Variants in CNTNAP3B observed in about 807,000 individuals in gnomAD.
CNTNAP3B encodes the protein contactin associated protein family member 3B, also known as contactin-associated protein-like 3B.
In CNTNAP3B, 25 loss-of-function variants were observed where a neutral mutation model predicts 108.9. The observed-to-expected ratio is 0.23, with a 90% CI of 0.17 to 0.32. The LOEUF is 0.32. CNTNAP3B is among the 10% of genes least tolerant of loss of function. The pLI, the probability that CNTNAP3B is intolerant of heterozygous loss-of-function variation, is 1.00. For missense variants in CNTNAP3B, 252 were observed against 1,210.4 expected, an observed-to-expected ratio of 0.21 and a Z score of 11.75; for synonymous variants, 103 against 473.4, an observed-to-expected ratio of 0.22 and a Z score of 10.16.
chr9:41,928,112 A>C (rs1823870128), intron 15 of CNTNAP3B, among the ~76,000 whole-genome samples: 1 of 152,276 alleles, frequency 6.6e-6, no homozygotes, highest in African/African-American at 2.4e-5. Context: ...AGGATAACAT[A>C]TCTGTCAAGA....
At chr9:41,928,639 T>TAGA (rs1406755523) in intron 15 of CNTNAP3B, among the ~76,000 whole-genome samples, 12 of 152,260 alleles carry the variant, frequency 7.9e-5, no homozygotes, top group Non-Finnish European at 1.6e-4. Flanking sequence ...CACATTGAGG[T>TAGA]AGAACAGGAA....
intron 2 of CNTNAP3B, among the ~76,000 whole-genome samples, chr9:42,098,982 G>A (rs62558888): frequency 0.011 from 1,510 of 137,050 alleles, 247 homozygotes; most frequent in Non-Finnish European, 0.013. Context: ...ACCCAGAGTC[G>A]TGGCTAGGTT....
chr9:41,933,191 C>T (rs1230920505), intron 14 of CNTNAP3B, among the ~76,000 whole-genome samples: 4 of 152,342 alleles, frequency 2.6e-5, no homozygotes, highest in Admixed American at 6.5e-5. Context: ...TCAACAGCAG[C>T]GTTACTGATA....
chr9:41,930,710 G>A (rs1334637854), intron 14 of CNTNAP3B, among the ~76,000 whole-genome samples: 12 of 152,398 alleles, frequency 7.9e-5, no homozygotes, highest in Admixed American at 1.3e-4. Flanking sequence ...ATGTGACTGG[G>A]AAAATAAATG....
At chr9:42,031,087 C>G (rs1446392456) in intron 3 of CNTNAP3B, among the ~76,000 whole-genome samples, 4 of 83,750 alleles carry the variant, frequency 4.8e-5, no homozygotes, top group Non-Finnish European at 7.2e-5. Context: ...CTCGTCTTCT[C>G]CCCTTTCAGT....
chr9:42,129,372 G>A lies in CNTNAP3B; in HGVS notation c.-278C>T. 3.0e-6 allele frequency: 1 copy of A among 334,798 alleles called. No individual in the cohort carries two copies. Among genetic ancestry groups the A allele is most frequent in the Non-Finnish European group, 4.7e-6 (1 of 212,438 alleles). 20.7% of individuals were successfully genotyped at this position (334,798 alleles called of 1,614,324 possible). A position where few individuals can be genotyped will look rare whatever the true frequency, so the allele number is the denominator to read the frequency against. On this transcript the variant is annotated 5_prime_UTR_variant, in exon 1 of 24. Coordinates refer to ENST00000377561, the MANE Select transcript of CNTNAP3B (RefSeq NM_001201380.3). ...GCCGCCCCAGGCACGGAGGCGGCAG[G>A]TTCAGGCGCGTCCCGGACACTAGGC...
rs573854996 is a variant in CNTNAP3B, at chr9:42,114,884, T to C, written c.86-10145A>G. 5.7e-4 allele frequency among the ~76,000 whole-genome samples: 77 copies of C among 133,998 alleles called. 14 individuals are homozygous for C. Among genetic ancestry groups the C allele is most frequent in the African/African-American group, 2.3e-3 (77 of 33,394 alleles). The allele number at this position is 133,998 out of a possible 152,430, so 87.9% of individuals were successfully genotyped here. On this transcript the variant is annotated intron_variant, in intron 1 of 23. Transcript: ENST00000377561. ...GCCTGGCCAACATGGTGAAACTCCA[T>C]CTTTAGTAAAAATACAAAAATTAGC...
At position 42,098,059 on chromosome 9, in the gene CNTNAP3B, T is replaced by C. The variant is rs188266533; in HGVS notation, c.196+6570A>G. On this transcript the variant is annotated intron_variant, in intron 2 of 23. Transcript: ENST00000377561. ...GGGAGTGATATCTCTAAGATTTTTT[T>C]CCACAAATAAACATTCATACATATT... is the stretch of plus-strand genomic sequence containing the variant. 9.3e-4 allele frequency among the ~76,000 whole-genome samples: 130 copies of C among 139,208 alleles called. 27 individuals are homozygous for C. Among genetic ancestry groups the C allele is most frequent in the African/African-American group, 3.6e-3 (125 of 35,164 alleles). The allele number at this position is 139,208 out of a possible 152,430, so 91.3% of individuals were successfully genotyped here.
intron 1 of CNTNAP3B, among the ~76,000 whole-genome samples, chr9:42,119,687 T>C (rs1292072173): frequency 7.2e-6 from 1 of 139,202 alleles, no homozygotes; most frequent in Non-Finnish European, 1.5e-5. Context: ...TACAACTATC[T>C]GATCTTTGAG....
At chr9:42,116,639 C>G (rs1232811867) in intron 1 of CNTNAP3B, among the ~76,000 whole-genome samples, 1 of 139,578 alleles carries the variant, frequency 7.2e-6, no homozygotes, top group East Asian at 2.2e-4. Context: ...AACCAGTTAA[C>G]ATCATAATGA....
intron 18 of CNTNAP3B, among the ~76,000 whole-genome samples, chr9:41,919,811 C>T (rs1454789985): frequency 0.03 from 4,503 of 149,764 alleles, 6 homozygotes; most frequent in African/African-American, 0.071. Flanking sequence ...CAAATTATTT[C>T]GAGAGGATTA....
chr9:42,107,748 G>T (rs1430822781), intron 1 of CNTNAP3B, among the ~76,000 whole-genome samples: 1 of 137,836 alleles, frequency 7.3e-6, no homozygotes, highest in Non-Finnish European at 1.5e-5. Context: ...GACCAAGGCG[G>T]GTGGATCACA....
At chr9:41,925,794 C>CTTTTT (rs1167804361) in intron 15 of CNTNAP3B, among the ~76,000 whole-genome samples, 1 of 151,884 alleles carries the variant, frequency 6.6e-6, no homozygotes, top group East Asian at 1.9e-4. Flanking sequence ...CCTTTTTCAG[C>CTTTTT]TTTTTTTTTC....
intron 12 of CNTNAP3B, among the ~76,000 whole-genome samples, chr9:41,956,522 T>C (rs1431608300): frequency 6.6e-6 from 1 of 152,196 alleles, no homozygotes; most frequent in Non-Finnish European, 1.5e-5. Context: ...ATTTACTCAG[T>C]ATATCATATG....
intron 3 of CNTNAP3B, among the ~76,000 whole-genome samples, chr9:42,054,487 C>G (rs868137195): frequency 2.3e-3 from 347 of 151,798 alleles, no homozygotes; most frequent in Non-Finnish European, 4.0e-3. Flanking sequence ...ATTTTGTAAT[C>G]GAAGGTGAGG....
intron 4 of CNTNAP3B, among the ~76,000 whole-genome samples, chr9:42,012,143 C>A (rs1826141769): frequency 1.0e-5 from 1 of 100,466 alleles, no homozygotes; most frequent in African/African-American, 3.8e-5. Context: ...CATCAAAGAG[C>A]ATGTTCCACT....
intron 2 of CNTNAP3B, among the ~76,000 whole-genome samples, chr9:42,095,175 T>TC (rs201850091): frequency 0.032 from 4,394 of 138,190 alleles, 984 homozygotes; most frequent in African/African-American, 0.12. Context: ...CCCTTCCCTA[T>TC]CCACCTTCTC....
At chr9:41,964,362 G>T (rs1201478212) in intron 11 of CNTNAP3B, among the ~76,000 whole-genome samples, 176 bp downstream of exon 11, 2 of 152,234 alleles carry the variant, frequency 1.3e-5, no homozygotes, top group African/African-American at 2.4e-5. Context: ...TCTGTGCACT[G>T]TCTCAACACC....
chr9:42,119,561 A>G (rs1276609339), intron 1 of CNTNAP3B, among the ~76,000 whole-genome samples: 10 of 127,338 alleles, frequency 7.9e-5, no homozygotes, highest in Non-Finnish European at 1.2e-4. Context: ...GAGGCATCAC[A>G]CTACCTGACT....
Sources: allele counts gnomAD v4.1 joint callset (sites outside exome capture counted in the v4.1 genomes callset), GRCh38; gene constraint gnomAD v4.1.1; transcripts MANE v1.5; gene names NCBI Gene and HGNC (gene_info 2026-07-23, HGNC 2026-07-21).